NAALAD2: variants seen among roughly 807,000 people sequenced by gnomAD.
The protein encoded by NAALAD2 is N-acetylated-alpha-linked acidic dipeptidase 2.
NAALAD2 carries 89 observed loss-of-function variants against 95.6 expected under a neutral mutation model. The ratio of observed to expected loss-of-function variants is 0.93; its 90% confidence interval spans 0.78 to 1.11. The LOEUF is 1.11. Ranked by LOEUF, NAALAD2 falls within the 50% of genes least tolerant of loss-of-function variation. NAALAD2 has a pLI of 0.00. For synonymous variants in NAALAD2, 264 were observed against 294.4 expected (o/e 0.90, Z 1.06); for missense variants, 894 against 872.4 (o/e 1.02, Z -0.31).
Position 90,163,022 on chromosome 11 carries a change from T to C in NAALAD2, c.1063T>C (p.Ser355Pro), listed in dbSNP as rs753902104. 4 of 1,567,632 alleles carry C rather than the reference T, an allele frequency of 2.6e-6. No individual in the cohort carries two copies. In the East Asian group the frequency reaches 6.8e-5, roughly 27 times the overall value. The change falls in exon 9 of 19, where the codon TCT becomes CCT. Residue 355 changes from serine (S) to proline (P), a missense_variant. Ser to Pro is a moderately conservative substitution (Grantham distance 74). Coordinates refer to ENST00000534061, the MANE Select transcript of NAALAD2 (RefSeq NM_005467.4). ...IYNVVGTIRG[S>P]VEPDRYVILG... Reference sequence around the variant, plus strand: ...CAATGTAGTTGGAACTATCAGAGGATCTGTGGAACCTGGTGAGTCACATAA... The same window carrying C: ...CAATGTAGTTGGAACTATCAGAGGACCTGTGGAACCTGGTGAGTCACATAA...
At chr11:90,172,584 ATATC>A (rs1225065936) in intron 13 of NAALAD2, among the ~76,000 whole-genome samples, 1 of 152,172 alleles carries the variant, frequency 6.6e-6, no homozygotes, top group Non-Finnish European at 1.5e-5. Flanking sequence ...ACTTGGAGAC[ATATC>A]TATCTCTCAT....
intron 5 of NAALAD2, among the ~76,000 whole-genome samples, chr11:90,151,029 CTT>C (rs1025412360): frequency 6.6e-6 from 1 of 151,804 alleles, no homozygotes; most frequent in Non-Finnish European, 1.5e-5. Flanking sequence ...TATTATAAGA[CTT>C]TATTTTTTTT....
At chr11:90,171,336 A>G (rs184336248) in intron 13 of NAALAD2, among the ~76,000 whole-genome samples, 75 of 152,256 alleles carry the variant, frequency 4.9e-4, no homozygotes, top group Admixed American at 2.7e-3. Flanking sequence ...GTCTTTAAAA[A>G]CTAGTTTTCC....
chr11:90,158,188 C>T lies in NAALAD2; in HGVS notation c.840C>T (p.Pro280=). 6.2e-7 allele frequency: 1 copy of T among 1,610,844 alleles called. No individual in the cohort carries two copies. The highest frequency in any genetic ancestry group is 1.7e-5 in the Admixed American group (1 of 59,686). ...ATGTTGAAGAAGGAGTGGGAATCCC[C>T]CGAATACCTGTACATCCCATTGGAT... ...RLDVEEGVGI[P]RIPVHPIGYN... Residue 280 remains proline, a synonymous_variant, in exon 7 of 19, where the codon CCC becomes CCT. Transcript: ENST00000534061.
chr11:90,135,466 T>TG (rs1565504852), intron 1 of NAALAD2, 93 bp from the exon 2 acceptor site: 7 of 704,524 alleles, frequency 9.9e-6, no homozygotes, highest in Non-Finnish European at 1.6e-5. Context: ...AAAGGCTTTT[T>TG]GGGGGGAAGG....
At position 90,165,022 on chromosome 11, in the gene NAALAD2, C is replaced by T. The variant is rs542788378; in HGVS notation, c.1278+1405C>T. On this transcript the variant is annotated intron_variant, in intron 11 of 18. Transcript: ENST00000534061. The stretch of plus-strand genomic sequence containing the variant: ...AGTGTGTTGTTCCCCTCTATGTGTC[C>T]ATGGGTTCTCATCATTTAACTCCCA... Among the ~76,000 whole-genome samples, 6 of 152,210 alleles carry T rather than the reference C, an allele frequency of 3.9e-5. No individual in the cohort carries two copies. In the East Asian group the frequency reaches 9.7e-4, roughly 25 times the overall value.
chr11:90,173,095 CAT>C (rs977349228), intron 13 of NAALAD2, among the ~76,000 whole-genome samples: 15 of 152,134 alleles, frequency 9.9e-5, no homozygotes, highest in Non-Finnish European at 1.5e-4. Context: ...GTTTTCACCA[CAT>C]GTCTCTGCTC....
chr11:90,162,966 T>C lies in NAALAD2; in HGVS notation c.1007T>C (p.Val336Ala). ...SDSFRKVRMH[V>A]YNINKITRIY... Reference sequence around the variant, plus strand: ...AATTCTAGGAAGGTTAGAATGCATGTTTATAACATCAATAAAATTACAAGG... The same window carrying C: ...AATTCTAGGAAGGTTAGAATGCATGCTTATAACATCAATAAAATTACAAGG... Residue 336 changes from valine (V) to alanine (A), a missense_variant, in exon 9 of 19, where the codon GTT becomes GCT. Coordinates refer to ENST00000534061, the MANE Select transcript of NAALAD2 (RefSeq NM_005467.4). 6.4e-7 allele frequency: 1 copy of C among 1,552,560 alleles called. No homozygotes were observed. Among genetic ancestry groups the C allele is most frequent in the Non-Finnish European group, 8.8e-7 (1 of 1,134,872 alleles).
At chr11:90,188,118 T>C (rs1857216088) in intron 18 of NAALAD2, among the ~76,000 whole-genome samples, 1 of 152,156 alleles carries the variant, frequency 6.6e-6, no homozygotes, top group African/African-American at 2.4e-5. Context: ...ACCCCTTTAA[T>C]TGGCCAAAAC....
chr11:90,142,653 C>T (rs1951648429), intron 2 of NAALAD2, among the ~76,000 whole-genome samples: 1 of 151,970 alleles, frequency 6.6e-6, no homozygotes, highest in South Asian at 2.1e-4. Flanking sequence ...TAGATATTTG[C>T]TTTTTTATCC....
intron 3 of NAALAD2, 96 bp downstream of exon 3, chr11:90,147,612 G>C: frequency 3.5e-6 from 4 of 1,140,054 alleles, no homozygotes; most frequent in Non-Finnish European, 5.0e-6. Context: ...TTTGTTAATA[G>C]TGAATTATTC....
At chr11:90,178,477 C>T (rs1238623834) in intron 16 of NAALAD2, among the ~76,000 whole-genome samples, 1 of 152,066 alleles carries the variant, frequency 6.6e-6, no homozygotes, top group Non-Finnish European at 1.5e-5. Context: ...CGAGACCATT[C>T]TGGCTATTAT....
upstream of NAALAD2, chr11:90,134,651 C>T (rs1197490256): frequency 7.5e-6 from 8 of 1,072,272 alleles, no homozygotes; most frequent in Admixed American, 1.1e-4. Flanking sequence ...CGAAGGTCAG[C>T]GGAGGCCACC....
At chr11:90,141,842 CA>C (rs1338040315) in intron 2 of NAALAD2, among the ~76,000 whole-genome samples, 1 of 152,016 alleles carries the variant, frequency 6.6e-6, no homozygotes, top group African/African-American at 2.4e-5. Flanking sequence ...ATGTCATCTT[CA>C]AAAAGGGAAC....
chr11:90,181,879 C>T (rs1165422487), intron 17 of NAALAD2, among the ~76,000 whole-genome samples, 178 bp downstream of exon 17: 1 of 151,944 alleles, frequency 6.6e-6, no homozygotes, highest in Non-Finnish European at 1.5e-5. Context: ...ATATCAGACA[C>T]CAACCAAGAC....
At chr11:90,172,549 A>G (rs962165432) in intron 13 of NAALAD2, among the ~76,000 whole-genome samples, 5 of 152,146 alleles carry the variant, frequency 3.3e-5, no homozygotes, top group Admixed American at 1.3e-4. Context: ...CTTAAATTTA[A>G]TTGCCATTTT....
chr11:90,179,269 C>G (rs183590552), intron 16 of NAALAD2, among the ~76,000 whole-genome samples: 1 of 152,130 alleles, frequency 6.6e-6, no homozygotes, highest in African/African-American at 2.4e-5. Flanking sequence ...CCCTGAGTTT[C>G]TACTGTGTAC....
chr11:90,173,985 C>T (rs1952713746), intron 14 of NAALAD2, 70 bp downstream of exon 14: 1 of 1,031,654 alleles, frequency 9.7e-7, no homozygotes, highest in African/African-American at 1.6e-5. Context: ...CTTGTTTCTC[C>T]AAGCATGAAA....
At chr11:90,186,113 G>T (rs932163988) in intron 18 of NAALAD2, among the ~76,000 whole-genome samples, 2 of 151,770 alleles carry the variant, frequency 1.3e-5, no homozygotes, top group African/African-American at 4.8e-5. Flanking sequence ...TGCCATGCTG[G>T]TGCGCTGCAC....
Sources: gnomAD v4.1 joint callset for allele counts (sites outside exome capture counted in the v4.1 genomes callset) on GRCh38, gnomAD v4.1.1 for gene constraint, MANE v1.5 for transcripts, NCBI Gene and HGNC (gene_info 2026-07-23, HGNC 2026-07-21) for gene names.